CPED1: variants seen among roughly 807,000 people sequenced by gnomAD.
The protein encoded by CPED1 is cadherin-like and PC-esterase domain-containing protein 1.
In CPED1, 114 loss-of-function variants were observed where a neutral mutation model predicts 128.2. The ratio of observed to expected loss-of-function variants is 0.89; its 90% CI spans 0.76 to 1.04. The LOEUF is 1.04. CPED1 is among the 50% of genes least tolerant of loss of function. The pLI is 0.00. For missense variants in CPED1, 1,211 were observed against 1,207.1 expected (o/e 1.00, Z -0.05); for synonymous variants, 462 against 426.7 (o/e 1.08, Z -1.02).
At position 121,008,774 on chromosome 7, in the gene CPED1, G is replaced by A. The variant is rs77102417; in HGVS notation, c.250-6891G>A. Among the ~76,000 whole-genome samples, 506 of 152,012 alleles carry A rather than the reference G, an allele frequency of 3.3e-3. 5 individuals carry two copies. The highest frequency in any genetic ancestry group is 0.012 in the African/African-American group (483 of 41,286). On this transcript the variant is annotated intron_variant, in intron 2 of 22. Transcript: ENST00000310396. ...TTCTTGCAAAACACTAGCCCTCCTA[G>A]TGAGGGCTAGAACCTGGATAGGGTG...
chr7:121,005,883 G>C (rs1211405696), intron 2 of CPED1, among the ~76,000 whole-genome samples: 1 of 152,156 alleles, frequency 6.6e-6, no homozygotes, highest in African/African-American at 2.4e-5. Flanking sequence ...TAGATGGAAG[G>C]TGTCAGTGCT....
intron 18 of CPED1, among the ~76,000 whole-genome samples, chr7:121,250,295 C>T (rs1373391164): frequency 6.6e-6 from 1 of 151,520 alleles, no homozygotes; most frequent in African/African-American, 2.4e-5. Flanking sequence ...CACAACATAC[C>T]AGAATCTCTG....
chr7:121,065,167 C>T (rs553383337), intron 5 of CPED1, among the ~76,000 whole-genome samples: 1 of 152,262 alleles, frequency 6.6e-6, no homozygotes, highest in South Asian at 2.1e-4. Flanking sequence ...GTAAACCACA[C>T]TGGCATGTTC....
chr7:121,148,542 G>A (rs1796078985), intron 16 of CPED1, among the ~76,000 whole-genome samples: 2 of 152,130 alleles, frequency 1.3e-5, no homozygotes, highest in Non-Finnish European at 2.9e-5. Flanking sequence ...GTAAAGGTGG[G>A]GTTTGAATAT....
intron 4 of CPED1, 53 bp downstream of exon 4, chr7:121,047,046 C>T (rs1207910040): frequency 1.9e-6 from 2 of 1,043,116 alleles, no homozygotes; most frequent in African/African-American, 1.6e-5. Context: ...GATATTAACA[C>T]TGGCATTTCC....
intron 16 of CPED1, among the ~76,000 whole-genome samples, chr7:121,171,641 G>T (rs1584566983): frequency 6.6e-6 from 1 of 152,080 alleles, no homozygotes; most frequent in South Asian, 2.1e-4. Flanking sequence ...AATCATCTTT[G>T]TAAGTCTCAT....
At chr7:121,123,274 G>A (rs1795430085) in intron 7 of CPED1, among the ~76,000 whole-genome samples, 1 of 152,114 alleles carries the variant, frequency 6.6e-6, no homozygotes, top group Admixed American at 6.6e-5. Context: ...TATCTTGGGG[G>A]AATTTTGCTT....
intron 17 of CPED1, 148 bp downstream of exon 17, chr7:121,236,979 G>T: frequency 2.3e-6 from 1 of 431,370 alleles, no homozygotes; most frequent in Non-Finnish European, 4.1e-6. Context: ...TAATGTAAGT[G>T]CATTGTTTTA....
intron 12 of CPED1, among the ~76,000 whole-genome samples, chr7:121,132,191 G>A (rs577429741): frequency 2.0e-5 from 3 of 152,090 alleles, no homozygotes; most frequent in South Asian, 2.1e-4. Context: ...TTATATACAT[G>A]TTCCAGATGA....
chr7:121,245,964 A>AT (rs1485312013), intron 18 of CPED1, among the ~76,000 whole-genome samples: 2 of 151,924 alleles, frequency 1.3e-5, no homozygotes, highest in African/African-American at 4.8e-5. Context: ...AAGTGCTGGG[A>AT]TTACAGGTGT....
intron 11 of CPED1, among the ~76,000 whole-genome samples, chr7:121,129,193 T>A (rs1008394073): frequency 6.6e-6 from 1 of 150,434 alleles, no homozygotes; most frequent in African/African-American, 2.4e-5. Flanking sequence ...CTTTTTGAAA[T>A]AGCATTCTTA....
At chr7:121,048,657 A>G (rs954373973) in intron 4 of CPED1, among the ~76,000 whole-genome samples, 4 of 152,130 alleles carry the variant, frequency 2.6e-5, no homozygotes, top group African/African-American at 4.8e-5. Context: ...ATTGGGCCTC[A>G]GCCACCAAGT....
intron 7 of CPED1, 42 bp downstream of exon 7, chr7:121,100,136 GAAGTA>G: frequency 6.3e-7 from 1 of 1,583,816 alleles, no homozygotes; most frequent in Non-Finnish European, 8.6e-7. Context: ...TAAGTACACT[GAAGTA>G]AAGTAAAGTG....
At chr7:120,998,818 T>A in intron 2 of CPED1, among the ~76,000 whole-genome samples, 1 of 152,156 alleles carries the variant, frequency 6.6e-6, no homozygotes, top group Admixed American at 6.5e-5. Flanking sequence ...GGAATCCTTT[T>A]TTTTTTTTTT....
intron 2 of CPED1, among the ~76,000 whole-genome samples, chr7:120,994,713 G>T (rs1267695186): frequency 1.3e-5 from 2 of 151,460 alleles, no homozygotes; most frequent in Non-Finnish European, 2.9e-5. Flanking sequence ...AAGTAGAAAA[G>T]TCAGCAGGGT....
At chr7:121,186,116 T>C (rs1796996127) in intron 16 of CPED1, among the ~76,000 whole-genome samples, 2 of 152,188 alleles carry the variant, frequency 1.3e-5, no homozygotes, top group Non-Finnish European at 2.9e-5. Flanking sequence ...TTAATTTGCT[T>C]CTCTTCCCAA....
intron 16 of CPED1, among the ~76,000 whole-genome samples, chr7:121,198,282 A>G (rs1304199046): frequency 6.6e-6 from 1 of 152,162 alleles, no homozygotes; most frequent in Non-Finnish European, 1.5e-5. Flanking sequence ...ATTCAAATAT[A>G]AGCTTCTGAG....
chr7:121,215,329 TGA>T (rs1221044024), intron 16 of CPED1, among the ~76,000 whole-genome samples: 1 of 152,044 alleles, frequency 6.6e-6, no homozygotes, highest in Non-Finnish European at 1.5e-5. Flanking sequence ...GTGGATTAGA[TGA>T]GAGACTATAA....
chr7:121,239,569 C>T (rs1041138383), intron 17 of CPED1, among the ~76,000 whole-genome samples: 1 of 152,068 alleles, frequency 6.6e-6, no homozygotes. Flanking sequence ...CTTATTTTAG[C>T]AAGGAATTAT....
Sources: gnomAD v4.1 joint callset for allele counts (sites outside exome capture counted in the v4.1 genomes callset) on GRCh38, gnomAD v4.1.1 for gene constraint, MANE v1.5 for transcripts, NCBI Gene and HGNC (gene_info 2026-07-23, HGNC 2026-07-21) for gene names.